The following UVRAG variants were observed in gnomAD, a reference collection of about 807,000 sequenced individuals.
UVRAG encodes the protein UV radiation resistance associated.
A neutral mutation model predicts 78.0 loss-of-function variants in UVRAG; 19 were observed. The ratio of observed to expected loss-of-function variants is 0.24; its 90% CI spans 0.17 to 0.36. The LOEUF (loss-of-function observed/expected upper bound fraction) is 0.36. Among genes scored for constraint, UVRAG ranks in the 10% least tolerant of loss-of-function variants. UVRAG has a pLI of 1.00. For missense variants in UVRAG, 740 were observed against 853.8 expected (o/e 0.87, Z 1.66); for synonymous variants, 323 against 324.6 (o/e 1.00, Z 0.05).
At chr11:75,986,389 A>T (rs971046280) in intron 8 of UVRAG, among the ~76,000 whole-genome samples, 2 of 152,072 alleles carry the variant, frequency 1.3e-5, no homozygotes, top group East Asian at 3.9e-4. Context: ...TTTAAGTGGT[A>T]TTAGTATTTA....
In UVRAG at chr11:75,828,744, T is replaced by TAC. The variant is rs1423794023; in HGVS notation, c.117+13221_117+13222insCA. Among the ~76,000 whole-genome samples the TAC allele has an allele frequency of 1.7e-4, 16 of 93,860 alleles. No homozygotes were observed. In the East Asian group the frequency reaches 4.2e-3, roughly 24 times the overall value. 61.6% of individuals were successfully genotyped at this position (93,860 alleles called of 152,430 possible). A position where few individuals can be genotyped will look rare whatever the true frequency, so the allele number is the denominator to read the frequency against. On this transcript the variant is annotated intron_variant, in intron 1 of 14. Transcript: ENST00000356136. ...ATATGTGTGTGTGTATATATATATATATACACACACATATATATATATATA... is the reference window on the plus strand; with the variant it reads ...ATATGTGTGTGTGTATATATATATATACATACACACACATATATATATATATA...
At chr11:76,097,542 G>T (rs1467798959) in intron 13 of UVRAG, among the ~76,000 whole-genome samples, 1 of 152,142 alleles carries the variant, frequency 6.6e-6, no homozygotes, top group Non-Finnish European at 1.5e-5. Flanking sequence ...TTCCTCTGAT[G>T]TGGTCCTTAC....
At chr11:75,897,178 T>C (rs1947360510) in intron 5 of UVRAG, among the ~76,000 whole-genome samples, 1 of 152,240 alleles carries the variant, frequency 6.6e-6, no homozygotes. Context: ...CTTGATCGTC[T>C]CGAGTACATA....
At chr11:76,085,264 A>G (rs1951568485) in intron 13 of UVRAG, among the ~76,000 whole-genome samples, 1 of 152,030 alleles carries the variant, frequency 6.6e-6, no homozygotes, top group Non-Finnish European at 1.5e-5. Context: ...CATCATGGCA[A>G]TGTGGTCCCC....
At chr11:75,965,834 A>T (rs1425901516) in intron 7 of UVRAG, among the ~76,000 whole-genome samples, 1 of 151,724 alleles carries the variant, frequency 6.6e-6, no homozygotes, top group South Asian at 2.1e-4. Context: ...GTTTTTTGGG[A>T]TTTTCTTTGT....
intron 13 of UVRAG, among the ~76,000 whole-genome samples, chr11:76,089,265 G>A (rs531657504): frequency 2.6e-5 from 4 of 152,292 alleles, no homozygotes; most frequent in South Asian, 4.1e-4. Flanking sequence ...ATATATGCCT[G>A]TGGTAATAAG....
intron 13 of UVRAG, among the ~76,000 whole-genome samples, chr11:76,106,178 A>G (rs1025133609): frequency 6.6e-6 from 1 of 152,188 alleles, no homozygotes; most frequent in African/African-American, 2.4e-5. Flanking sequence ...GGACCAGACT[A>G]CTCACACATA....
intron 12 of UVRAG, among the ~76,000 whole-genome samples, chr11:76,035,040 A>G (rs952612083): frequency 1.3e-5 from 2 of 152,220 alleles, no homozygotes; most frequent in Non-Finnish European, 2.9e-5. Flanking sequence ...ATTGACACCT[A>G]TACTTAAACT....
intron 12 of UVRAG, among the ~76,000 whole-genome samples, chr11:76,017,563 G>A (rs1408803991): frequency 6.6e-6 from 1 of 151,994 alleles, no homozygotes; most frequent in Admixed American, 6.6e-5. Flanking sequence ...TAACAAAACA[G>A]AATGACAATA....
At chr11:76,070,817 G>C (rs542020575) in intron 13 of UVRAG, among the ~76,000 whole-genome samples, 1 of 152,142 alleles carries the variant, frequency 6.6e-6, no homozygotes, top group Admixed American at 6.5e-5. Context: ...GAGTCAGAAA[G>C]CCACATTAGA....
intron 2 of UVRAG, among the ~76,000 whole-genome samples, chr11:75,853,760 G>A (rs1056123668): frequency 6.8e-6 from 1 of 146,592 alleles, no homozygotes; most frequent in African/African-American, 2.5e-5. Context: ...TTATTTATTT[G>A]TTTATTTATT....
chr11:76,141,428 C>T lies in UVRAG; in HGVS notation c.*15C>T. ...CCGATAAGTGAAGTGAGCAGGTCAA[C>T]AGTAGGACTGGGGCAGAAGCTCTGC... On this transcript the variant is annotated 3_prime_UTR_variant, in exon 15 of 15. Coordinates refer to ENST00000356136, the MANE Select transcript of UVRAG (RefSeq NM_003369.4). 6.2e-7 allele frequency: 1 copy of T among 1,606,376 alleles called. No homozygotes were observed. Among genetic ancestry groups the T allele is most frequent in the Non-Finnish European group, 8.5e-7 (1 of 1,176,824 alleles).
intron 6 of UVRAG, among the ~76,000 whole-genome samples, chr11:75,958,269 T>A (rs1486054395): frequency 6.6e-6 from 1 of 152,220 alleles, no homozygotes; most frequent in Non-Finnish European, 1.5e-5. Context: ...CTCTGTATCA[T>A]GCGATGCTGT....
At chr11:75,861,976 A>G (rs1288915729) in intron 3 of UVRAG, among the ~76,000 whole-genome samples, 196 bp downstream of exon 3, 1 of 152,188 alleles carries the variant, frequency 6.6e-6, no homozygotes, top group Non-Finnish European at 1.5e-5. Context: ...ATAAATATTT[A>G]CTGAATGAAA....
intron 14 of UVRAG, 105 bp downstream of exon 14, chr11:76,116,120 T>A: frequency 2.8e-6 from 3 of 1,069,030 alleles, no homozygotes; most frequent in Non-Finnish European, 4.1e-6. Context: ...AGTTTTCTTC[T>A]GTAATGAGAT....
chr11:75,898,460 T>G (rs1278779663), intron 5 of UVRAG, among the ~76,000 whole-genome samples: 1 of 152,160 alleles, frequency 6.6e-6, no homozygotes, highest in Non-Finnish European at 1.5e-5. Context: ...AAACTGTATT[T>G]TAACTTTGTA....
At chr11:75,979,242 G>A (rs960716238) in intron 7 of UVRAG, among the ~76,000 whole-genome samples, 1 of 152,168 alleles carries the variant, frequency 6.6e-6, no homozygotes, top group Non-Finnish European at 1.5e-5. Flanking sequence ...TGGAAGCTTC[G>A]TGTCAGAGGG....
intron 6 of UVRAG, among the ~76,000 whole-genome samples, chr11:75,938,397 C>T (rs758023723): frequency 6.6e-6 from 1 of 152,160 alleles, no homozygotes; most frequent in Non-Finnish European, 1.5e-5. Flanking sequence ...TCTGCATATA[C>T]AGTCATTTTT....
At chr11:75,828,637 C>G (rs1945572206) in intron 1 of UVRAG, among the ~76,000 whole-genome samples, 1 of 148,306 alleles carries the variant, frequency 6.7e-6, no homozygotes, top group African/African-American at 2.5e-5. Flanking sequence ...CACCACCATG[C>G]CTGGCTAATT....
Sources: allele counts gnomAD v4.1 joint callset (sites outside exome capture counted in the v4.1 genomes callset), GRCh38; gene constraint gnomAD v4.1.1; transcripts MANE v1.5; gene names NCBI Gene and HGNC (gene_info 2026-07-23, HGNC 2026-07-21).